Variants in CLEC4A observed in about 807,000 individuals in gnomAD.
The protein encoded by CLEC4A is C-type (calcium dependent, carbohydrate-recognition domain) lectin, superfamily member 6.
A neutral mutation model predicts 32.7 loss-of-function variants in CLEC4A; 27 were observed. The observed-to-expected ratio is 0.83, with a 90% CI of 0.61 to 1.14. The LOEUF is 1.14. Among genes scored for constraint, CLEC4A ranks in the 50% most tolerant of loss-of-function variants. The pLI, the probability that CLEC4A is intolerant of heterozygous loss-of-function variation, is 0.00. For synonymous variants in CLEC4A, 89 were observed against 93.7 expected, an observed-to-expected ratio of 0.95 and a Z score of 0.29; for missense variants, 253 against 274.6, an observed-to-expected ratio of 0.92 and a Z score of 0.55.
intron 3 of CLEC4A, among the ~76,000 whole-genome samples, chr12:8,135,083 G>A (rs186524535): frequency 2.9e-3 from 100 of 34,384 alleles, no homozygotes; most frequent in African/African-American, 8.5e-3. Flanking sequence ...ACAGGTTCTC[G>A]CTGTGTTGCC....
chr12:8,128,270 A>G (rs1367536270), intron 2 of CLEC4A, among the ~76,000 whole-genome samples: 1 of 152,188 alleles, frequency 6.6e-6, no homozygotes, highest in African/African-American at 2.4e-5. Flanking sequence ...GAAGTCAAAT[A>G]GGAAGAGGAC....
chr12:8,125,686 GC>G lies in CLEC4A; in HGVS notation c.199+11del. ...CTTTATTGCTTTTGTCAGTAAGTATGCCAACTGAACCAATAAGCAATATCTG... is the reference window on the plus strand; with the variant it reads ...CTTTATTGCTTTTGTCAGTAAGTATGCAACTGAACCAATAAGCAATATCTG... On this transcript the variant is annotated intron_variant, in intron 2 of 5. Transcript: ENST00000229332. The G allele has an allele frequency of 6.7e-7, 1 of 1,503,634 alleles. No individual in the cohort carries two copies. The highest frequency in any genetic ancestry group is 9.3e-7 in the Non-Finnish European group (1 of 1,079,808). 93.1% of individuals were successfully genotyped at this position (1,503,634 alleles called of 1,614,324 possible). A position where few individuals can be genotyped will look rare whatever the true frequency, so the allele number is the denominator to read the frequency against.
intron 2 of CLEC4A, among the ~76,000 whole-genome samples, chr12:8,126,549 A>T (rs771445480): frequency 4.3e-4 from 66 of 152,014 alleles, no homozygotes; most frequent in Non-Finnish European, 6.0e-4. Context: ...AAAAAGCAGT[A>T]TACATTTAGG....
chr12:8,123,330 C>T (rs761977039), upstream of CLEC4A, among the ~76,000 whole-genome samples: 1 of 152,198 alleles, frequency 6.6e-6, no homozygotes, highest in African/African-American at 2.4e-5. Flanking sequence ...GAAACTAATT[C>T]GTGAAGGTGG....
At chr12:8,129,496 C>G (rs766750848) in intron 3 of CLEC4A, 134 bp downstream of exon 3, 91 of 682,858 alleles carry the variant, frequency 1.3e-4, no homozygotes, top group Non-Finnish European at 2.2e-4. Flanking sequence ...TACAAATGTA[C>G]AAATATCTAG....
chr12:8,120,329 A>T (rs1947821364), upstream of CLEC4A, among the ~76,000 whole-genome samples: 1 of 152,196 alleles, frequency 6.6e-6, no homozygotes, highest in South Asian at 2.1e-4. Flanking sequence ...TTCTTAGCAT[A>T]AACTATCTTA....
the CLEC4A span, among the ~76,000 whole-genome samples, chr12:8,103,373 G>GTTTTTTTTTTTTTTTTTTT: frequency 3.1e-4 from 24 of 78,028 alleles, 4 homozygotes; most frequent in South Asian, 8.4e-4. Context: ...GTTTCTTTCT[G>GTTTTTTTTTTTTTTTTTTT]TTGTTTTTTT....
the CLEC4A span, among the ~76,000 whole-genome samples, chr12:8,111,923 A>G: frequency 0.51 from 56,290 of 109,412 alleles, 12,898 homozygotes; most frequent in Non-Finnish European, 0.67. Flanking sequence ...GAGTGTGTAT[A>G]TGTGTGTGTG....
In CLEC4A at chr12:8,136,810, A is replaced by G; in HGVS notation, c.473A>G (p.Gln158Arg). The G allele has an allele frequency of 1.9e-6, 3 of 1,612,776 alleles. No homozygotes were observed. The highest frequency in any genetic ancestry group is 2.5e-6 in the Non-Finnish European group (3 of 1,178,894). The change falls in exon 5 of 6, where the codon CAA becomes CGA. Residue 158 changes from glutamine (Q) to arginine (R), a missense_variant. Gln to Arg is a conservative substitution (Grantham distance 43, BLOSUM62 1). Coordinates refer to ENST00000229332, the MANE Select transcript of CLEC4A (RefSeq NM_016184.4). ...CAGGATTTCATCTTCCAGAATCTGC[A>G]AGAAGAATCTGCTTATTTTGTGGGG... ...EEQDFIFQNL[Q>R]EESAYFVGLS...
At chr12:8,109,785 T>C in the CLEC4A span, among the ~76,000 whole-genome samples, 1 of 152,120 alleles carries the variant, frequency 6.6e-6, no homozygotes, top group Non-Finnish European at 1.5e-5. Context: ...CGTTTAAATA[T>C]TTGTTGCTGG....
chr12:8,136,738 G>C (rs1191741805), intron 4 of CLEC4A, 50 bp from the exon 5 acceptor site: 1 of 1,171,866 alleles, frequency 8.5e-7, no homozygotes, highest in African/African-American at 1.5e-5. Context: ...TAAGAATTCA[G>C]TTTAAGCTGA....
rs76744110 is a variant in CLEC4A at position 8,125,336 on chromosome 12, A to C, written c.83-225A>C. Among the ~76,000 whole-genome samples, 105 of 152,336 alleles carry C rather than the reference A, an allele frequency of 6.9e-4. 1 individual carries two copies. The East Asian group carries it at 0.018, about 26-fold the overall frequency. Reference sequence around the variant, plus strand: ...TATGGTATATTATAAGTTATATGGCATAACAGTTATCCTCAATTGTAGGAA... The same window carrying C: ...TATGGTATATTATAAGTTATATGGCCTAACAGTTATCCTCAATTGTAGGAA... On this transcript the variant is annotated intron_variant, in intron 1 of 5. Transcript: ENST00000229332.
chr12:8,108,090 T>C, the CLEC4A span, among the ~76,000 whole-genome samples: 1 of 152,300 alleles, frequency 6.6e-6, no homozygotes, highest in African/African-American at 2.4e-5. Flanking sequence ...TATTGTATAT[T>C]TCTCATTAGT....
intron 1 of CLEC4A, 141 bp downstream of exon 1, chr12:8,124,101 G>A (rs1947863078): frequency 4.7e-6 from 3 of 640,254 alleles, no homozygotes; most frequent in Non-Finnish European, 8.4e-6. Context: ...AGAAGATTGA[G>A]TGGCCTGCAG....
chr12:8,111,323 G>A, the CLEC4A span, among the ~76,000 whole-genome samples: 2 of 151,748 alleles, frequency 1.3e-5, no homozygotes, highest in Admixed American at 6.6e-5. Context: ...GGGATTACAG[G>A]CGTGCACCAC....
At chr12:8,105,167 A>T in the CLEC4A span, among the ~76,000 whole-genome samples, 1 of 152,164 alleles carries the variant, frequency 6.6e-6, no homozygotes, top group Non-Finnish European at 1.5e-5. Context: ...ACTTTCTACA[A>T]TGGCTGAACT....
At chr12:8,121,106 T>G (rs1947826975), upstream of CLEC4A, 1 of 152,208 alleles carries the variant, frequency 6.6e-6, no homozygotes, top group Non-Finnish European at 1.5e-5. Context: ...ACAAGTGTAA[T>G]GTAAGTGAGA....
chr12:8,124,555 C>T (rs193113349), intron 1 of CLEC4A, among the ~76,000 whole-genome samples: 8 of 152,156 alleles, frequency 5.3e-5, no homozygotes, highest in Admixed American at 1.3e-4. Flanking sequence ...GACTCTGTTA[C>T]GTTTGGGAGT....
chr12:8,106,828 A>G, the CLEC4A span, among the ~76,000 whole-genome samples: 1 of 152,128 alleles, frequency 6.6e-6, no homozygotes, highest in Non-Finnish European at 1.5e-5. Context: ...CAAACAGATG[A>G]TTTGATTTCC....
Sources: allele counts gnomAD v4.1 joint callset (sites outside exome capture counted in the v4.1 genomes callset), GRCh38; gene constraint gnomAD v4.1.1; transcripts MANE v1.5; gene names NCBI Gene and HGNC (gene_info 2026-07-23, HGNC 2026-07-21).